Variants in PUM2 observed in about 807,000 individuals in gnomAD.
PUM2 encodes pumilio homolog 2.
A neutral mutation model predicts 124.5 loss-of-function variants in PUM2; 57 were observed. That is an observed-to-expected ratio of 0.46 (90% CI 0.37 to 0.57). The LOEUF is 0.57. PUM2 is among the 20% of genes least tolerant of loss of function. The pLI, the probability that PUM2 is intolerant of heterozygous loss-of-function variation, is 0.00. For synonymous variants in PUM2, 460 were observed against 446.1 expected (o/e 1.03, Z -0.39); for missense variants, 1,065 against 1,290.6 (o/e 0.83, Z 2.68).
At chr2:20,343,538 A>G (rs1687632304) in intron 1 of PUM2, among the ~76,000 whole-genome samples, 1 of 152,240 alleles carries the variant, frequency 6.6e-6, no homozygotes, top group Non-Finnish European at 1.5e-5. Context: ...GGTATGTACA[A>G]TTCTCATTAG....
At chr2:20,264,113 C>T (rs553393149) in intron 13 of PUM2, among the ~76,000 whole-genome samples, 4 of 151,054 alleles carry the variant, frequency 2.6e-5, no homozygotes, top group African/African-American at 7.3e-5. Flanking sequence ...TCGAGGAGGG[C>T]GGATCACGAG....
At chr2:20,324,917 A>G (rs959200327) in intron 2 of PUM2, among the ~76,000 whole-genome samples, 3 of 149,528 alleles carry the variant, frequency 2.0e-5, no homozygotes, top group African/African-American at 7.4e-5. Flanking sequence ...AGGGTAATCT[A>G]TTTTAAAAAC....
chr2:20,316,385 A>G (rs1032121586), intron 3 of PUM2, among the ~76,000 whole-genome samples: 3 of 152,154 alleles, frequency 2.0e-5, no homozygotes, highest in African/African-American at 7.2e-5. Flanking sequence ...GAATAAGAAA[A>G]TATCTCATGA....
intron 20 of PUM2, among the ~76,000 whole-genome samples, chr2:20,252,689 T>A (rs527693727): frequency 6.6e-6 from 1 of 152,216 alleles, no homozygotes; most frequent in African/African-American, 2.4e-5. Flanking sequence ...AGGAGGAGGA[T>A]ACAGAGAGGA....
intron 17 of PUM2, 81 bp from the exon 18 acceptor site, chr2:20,255,422 T>TC (rs1664544222): frequency 7.0e-7 from 1 of 1,438,804 alleles, no homozygotes; most frequent in East Asian, 2.3e-5. Flanking sequence ...TTTGTTTTTT[T>TC]TTTTTTTGAC....
chr2:20,305,463 GAA>G (rs67834545), intron 7 of PUM2, among the ~76,000 whole-genome samples: 2,058 of 45,968 alleles, frequency 0.045, 6 homozygotes, highest in Non-Finnish European at 0.06. Flanking sequence ...CCCTGTCTTC[GAA>G]AAAAAAAAAA....
intron 1 of PUM2, among the ~76,000 whole-genome samples, chr2:20,335,872 A>G (rs1265389786): frequency 6.6e-6 from 1 of 152,196 alleles, no homozygotes; most frequent in Non-Finnish European, 1.5e-5. Context: ...ATATGTGCAA[A>G]CATAAGATTT....
intron 13 of PUM2, among the ~76,000 whole-genome samples, chr2:20,266,791 G>T (rs1331288434): frequency 1.3e-5 from 2 of 152,224 alleles, no homozygotes; most frequent in South Asian, 4.2e-4. Context: ...AGTGATGAAA[G>T]TAATCCGTGA....
chr2:20,342,971 A>G (rs10460450), intron 1 of PUM2, among the ~76,000 whole-genome samples: 1 of 151,856 alleles, frequency 6.6e-6, no homozygotes, highest in Admixed American at 6.6e-5. Context: ...AATCATATAT[A>G]TATTTATAGA....
chr2:20,350,824 C>T lies in PUM2; in HGVS notation c.-246G>A. 1 of 979,698 alleles carries T rather than the reference C, an allele frequency of 1.0e-6. No individual in the cohort carries two copies. Among genetic ancestry groups the T allele is most frequent in the Non-Finnish European group, 1.2e-6 (1 of 825,392 alleles). 60.7% of individuals were successfully genotyped at this position (979,698 alleles called of 1,614,324 possible). A position where few individuals can be genotyped will look rare whatever the true frequency, so the allele number is the denominator to read the frequency against. On this transcript the variant is annotated 5_prime_UTR_variant, in exon 1 of 21. Transcript: ENST00000361078. Reference sequence around the variant, plus strand: ...CAGAGACTCACAACAACATGGCTGCCACCGCCGCCTGCCCTCCCCTCCCCC... The same window carrying T: ...CAGAGACTCACAACAACATGGCTGCTACCGCCGCCTGCCCTCCCCTCCCCC...
chr2:20,297,151 T>A (rs1361042439), intron 8 of PUM2, among the ~76,000 whole-genome samples: 1 of 152,246 alleles, frequency 6.6e-6, no homozygotes, highest in Non-Finnish European at 1.5e-5. Context: ...TCAGAATTAC[T>A]GTATCTGTTT....
chr2:20,281,740 C>T (rs927605675), intron 12 of PUM2, among the ~76,000 whole-genome samples: 7 of 152,178 alleles, frequency 4.6e-5, no homozygotes, highest in African/African-American at 1.7e-4. Flanking sequence ...TGGATTTTCC[C>T]TCAGAAATTC....
chr2:20,307,416 CT>C (rs1179553581), intron 7 of PUM2, among the ~76,000 whole-genome samples: 95 of 152,126 alleles, frequency 6.2e-4, no homozygotes, highest in African/African-American at 2.1e-3. Context: ...TAAAATAAAA[CT>C]ATACATACAT....
At chr2:20,266,856 A>AG (rs1218826912) in intron 13 of PUM2, among the ~76,000 whole-genome samples, 1 of 152,146 alleles carries the variant, frequency 6.6e-6, no homozygotes, top group Non-Finnish European at 1.5e-5. Context: ...TTTCTTATAA[A>AG]GGTAATCAGT....
At chr2:20,273,259 T>G (rs1486811591) in intron 13 of PUM2, among the ~76,000 whole-genome samples, 1 of 152,236 alleles carries the variant, frequency 6.6e-6, no homozygotes, top group Non-Finnish European at 1.5e-5. Flanking sequence ...TTAATGCCAA[T>G]AGAATCCCCA....
At chr2:20,293,684 G>C (rs1019091262) in intron 9 of PUM2, among the ~76,000 whole-genome samples, 1 of 151,798 alleles carries the variant, frequency 6.6e-6, no homozygotes, top group African/African-American at 2.4e-5. Context: ...CTCCAGCCTA[G>C]GTGACAGAGT....
upstream of PUM2, among the ~76,000 whole-genome samples, chr2:20,351,177 G>A (rs1045159137): frequency 2.0e-4 from 31 of 152,188 alleles, no homozygotes; most frequent in African/African-American, 7.2e-4. Flanking sequence ...CTTACCCTCG[G>A]CTTCCTACCC....
At chr2:20,269,645 A>G (rs904090950) in intron 13 of PUM2, among the ~76,000 whole-genome samples, 1 of 152,224 alleles carries the variant, frequency 6.6e-6, no homozygotes, top group Non-Finnish European at 1.5e-5. Context: ...CACACATGTC[A>G]AACGTACTAC....
intron 3 of PUM2, among the ~76,000 whole-genome samples, chr2:20,313,996 A>T (rs943367500): frequency 6.6e-6 from 1 of 151,984 alleles, no homozygotes; most frequent in African/African-American, 2.4e-5. Flanking sequence ...TACAAAAATT[A>T]GCTGGACATG....
Sources: gnomAD v4.1 joint callset for allele counts (sites outside exome capture counted in the v4.1 genomes callset) on GRCh38, gnomAD v4.1.1 for gene constraint, MANE v1.5 for transcripts, NCBI Gene and HGNC (gene_info 2026-07-23, HGNC 2026-07-21) for gene names.